EPM2A: variants seen among roughly 807,000 people sequenced by gnomAD.
EPM2A encodes laforin.
EPM2A carries 21 observed loss-of-function variants against 26.5 expected under a neutral mutation model. The ratio of observed to expected loss-of-function variants is 0.79; its 90% CI spans 0.56 to 1.14. The LOEUF is 1.14. Ranked by LOEUF, EPM2A falls within the 50% of genes most tolerant of loss-of-function variation. The pLI is 0.00. For synonymous variants in EPM2A, 217 were observed against 177.6 expected (o/e 1.22, Z -1.76); for missense variants, 458 against 440.8 (o/e 1.04, Z -0.35).
At chr6:145,684,595 C>T (rs947983319) in intron 2 of EPM2A, 2 of 152,126 alleles carry the variant, frequency 1.3e-5, no homozygotes, top group Non-Finnish European at 2.9e-5. Context: ...CATCTAGACT[C>T]AACATTTTGA....
intron 4 of EPM2A, among the ~76,000 whole-genome samples, chr6:145,486,345 A>G (rs1361999224): frequency 6.6e-6 from 1 of 152,200 alleles, no homozygotes; most frequent in African/African-American, 2.4e-5. Flanking sequence ...TTTAAGGGCT[A>G]CAACATGATG....
At chr6:145,540,975 G>T (rs1379739622) in intron 2 of EPM2A, among the ~76,000 whole-genome samples, 1 of 152,082 alleles carries the variant, frequency 6.6e-6, no homozygotes, top group Non-Finnish European at 1.5e-5. Flanking sequence ...ATAACTGGCA[G>T]AACTGGCAGC....
chr6:145,537,174 G>T (rs1431438291), intron 2 of EPM2A, among the ~76,000 whole-genome samples: 1 of 152,168 alleles, frequency 6.6e-6, no homozygotes, highest in Non-Finnish European at 1.5e-5. Context: ...CTCTCTACAA[G>T]TCTGATTTAT....
chr6:145,661,388 T>A (rs1485021776), intron 2 of EPM2A, among the ~76,000 whole-genome samples: 1 of 152,232 alleles, frequency 6.6e-6, no homozygotes, highest in Non-Finnish European at 1.5e-5. Context: ...TCAGCTATTA[T>A]TAATTCAGGC....
intron 2 of EPM2A, among the ~76,000 whole-genome samples, chr6:145,669,078 A>C (rs1779454504): frequency 6.6e-6 from 1 of 152,190 alleles, no homozygotes; most frequent in African/African-American, 2.4e-5. Context: ...CTAATGAATC[A>C]AGCTGATATT....
chr6:145,403,256 T>C (rs1220335663), intron 4 of EPM2A, among the ~76,000 whole-genome samples: 1 of 136,306 alleles, frequency 7.3e-6, no homozygotes, highest in Non-Finnish European at 1.7e-5. Flanking sequence ...CAATTACTCT[T>C]TAAGTTATTT....
At chr6:145,517,834 CAATT>C (rs1306764381) in intron 2 of EPM2A, among the ~76,000 whole-genome samples, 7 of 152,142 alleles carry the variant, frequency 4.6e-5, no homozygotes, top group South Asian at 2.1e-4. Context: ...ATCATGAACT[CAATT>C]AAGTGGTAGC....
intron 1 of EPM2A, among the ~76,000 whole-genome samples, chr6:145,712,178 G>T (rs1008317016): frequency 6.6e-6 from 1 of 152,002 alleles, no homozygotes. Flanking sequence ...TTTTAAGAAG[G>T]GGTGAGATGA....
At chr6:145,451,636 A>T (rs1180356329) in intron 4 of EPM2A, among the ~76,000 whole-genome samples, 1 of 152,258 alleles carries the variant, frequency 6.6e-6, no homozygotes, top group African/African-American at 2.4e-5. Flanking sequence ...GCCGGACATT[A>T]AATAGAATTG....
At chr6:145,660,135 T>C (rs958923171) in intron 2 of EPM2A, among the ~76,000 whole-genome samples, 1 of 152,182 alleles carries the variant, frequency 6.6e-6, no homozygotes, top group African/African-American at 2.4e-5. Flanking sequence ...GTCTCTAGCA[T>C]GAGACTATTA....
At chr6:145,574,096 C>T (rs1341955258) in intron 2 of EPM2A, among the ~76,000 whole-genome samples, 1 of 152,132 alleles carries the variant, frequency 6.6e-6, no homozygotes, top group Admixed American at 6.5e-5. Context: ...CAAGGGGATC[C>T]AGCCTCCCCT....
At chr6:145,722,387 G>A (rs566468742) in intron 1 of EPM2A, among the ~76,000 whole-genome samples, 31 of 152,208 alleles carry the variant, frequency 2.0e-4, no homozygotes, top group Non-Finnish European at 4.0e-4. Flanking sequence ...TCCCAGTTTT[G>A]TTGGCATTTT....
At chr6:145,455,193 G>T (rs1046539352) in intron 4 of EPM2A, among the ~76,000 whole-genome samples, 2 of 151,866 alleles carry the variant, frequency 1.3e-5, no homozygotes, top group Non-Finnish European at 2.9e-5. Context: ...TATAATTTAA[G>T]TGTATTCCCC....
intron 2 of EPM2A, among the ~76,000 whole-genome samples, chr6:145,650,136 C>A (rs1192699724): frequency 6.6e-6 from 1 of 152,090 alleles, no homozygotes; most frequent in East Asian, 1.9e-4. Context: ...TGGGAAGGAA[C>A]GGAAAGCAAT....
At chr6:145,604,184 A>G (rs888479004) in intron 2 of EPM2A, among the ~76,000 whole-genome samples, 1 of 152,118 alleles carries the variant, frequency 6.6e-6, no homozygotes, top group Non-Finnish European at 1.5e-5. Flanking sequence ...CTCTTTTGGG[A>G]CCATGTGGAA....
At chr6:145,510,133 A>G (rs1780035033) in intron 2 of EPM2A, among the ~76,000 whole-genome samples, 1 of 152,154 alleles carries the variant, frequency 6.6e-6, no homozygotes, top group Non-Finnish European at 1.5e-5. Context: ...CAGCCACACA[A>G]TAATAGTGGT....
intron 1 of EPM2A, among the ~76,000 whole-genome samples, chr6:145,699,295 C>A (rs1048819826): frequency 6.6e-5 from 10 of 152,086 alleles, no homozygotes; most frequent in African/African-American, 2.4e-4. Flanking sequence ...TTAACTGAAA[C>A]ATGAACAGAG....
chr6:145,502,529 C>A (rs1250702628), exon 3 of EPM2A: 1 of 470,362 alleles, frequency 2.1e-6, no homozygotes, highest in African/African-American at 2.0e-5. Flanking sequence ...CACCTGCAGT[C>A]TCTTCCCACA....
At chr6:145,497,883 G>T (rs137994502), downstream of EPM2A, among the ~76,000 whole-genome samples, 1 of 152,204 alleles carries the variant, frequency 6.6e-6, no homozygotes, top group Non-Finnish European at 1.5e-5. Flanking sequence ...GCTTGGGCTC[G>T]CCAAAGCCGG....
Sources: allele counts gnomAD v4.1 joint callset (sites outside exome capture counted in the v4.1 genomes callset), GRCh38; gene constraint gnomAD v4.1.1; transcripts MANE v1.5; gene names NCBI Gene and HGNC (gene_info 2026-07-23, HGNC 2026-07-21).